Variants in CIMIP7 observed in about 807,000 individuals in gnomAD.
The protein encoded by CIMIP7 is uncharacterized protein C3orf84.
At chr3:49,185,065 C>A in the CIMIP7 span, among the ~76,000 whole-genome samples, 2 of 151,696 alleles carry the variant, frequency 1.3e-5, no homozygotes, top group Non-Finnish European at 2.9e-5. Flanking sequence ...AGTTCAAGAC[C>A]AGCCTGACCA....
At chr3:49,190,648 A>C in the CIMIP7 span, among the ~76,000 whole-genome samples, 1 of 141,666 alleles carries the variant, frequency 7.1e-6, no homozygotes, top group South Asian at 2.3e-4. Flanking sequence ...GGCGCCCACT[A>C]TCATGCCAGG....
the CIMIP7 span, among the ~76,000 whole-genome samples, chr3:49,188,082 C>T: frequency 1.3e-5 from 2 of 152,234 alleles, no homozygotes; most frequent in Admixed American, 1.3e-4. Flanking sequence ...TGTGTTGCTT[C>T]TCTTTCTGTA....
the CIMIP7 span, chr3:49,191,673 G>T: frequency 6.6e-7 from 1 of 1,515,106 alleles, no homozygotes; most frequent in South Asian, 1.1e-5. Context: ...TCACTTCACC[G>T]GCATGACTCA....
the CIMIP7 span, among the ~76,000 whole-genome samples, chr3:49,184,816 G>T: frequency 2.0e-5 from 3 of 151,246 alleles, no homozygotes; most frequent in East Asian, 4.0e-4. Flanking sequence ...TTTTAGTAGA[G>T]ATGGGGTTTC....
the CIMIP7 span, among the ~76,000 whole-genome samples, chr3:49,184,794 A>G: frequency 1.3e-5 from 2 of 150,534 alleles, no homozygotes; most frequent in Non-Finnish European, 3.0e-5. Flanking sequence ...AACCTCAGCA[A>G]ATTTTTTGTA....
At chr3:49,180,128 T>C in the CIMIP7 span, among the ~76,000 whole-genome samples, 1 of 152,054 alleles carries the variant, frequency 6.6e-6, no homozygotes, top group African/African-American at 2.4e-5. Context: ...ACAAAAAAAT[T>C]AGCTGGGTGT....
At chr3:49,178,004 G>A in the CIMIP7 span, 40 of 1,611,356 alleles carry the variant, frequency 2.5e-5, no homozygotes, top group East Asian at 1.3e-4. Flanking sequence ...TGCCACAGGC[G>A]CTCCAGGTCC....
the CIMIP7 span, among the ~76,000 whole-genome samples, chr3:49,187,960 C>A: frequency 1.3e-5 from 2 of 152,218 alleles, no homozygotes; most frequent in African/African-American, 2.4e-5. Context: ...CCAAAACATG[C>A]CCCTTACATG....
the CIMIP7 span, chr3:49,190,103 T>C: frequency 3.7e-6 from 6 of 1,608,950 alleles, no homozygotes; most frequent in African/African-American, 2.7e-5. Context: ...CACTCTTGAA[T>C]TGGCTTCTGT....
At chr3:49,188,138 G>A in the CIMIP7 span, among the ~76,000 whole-genome samples, 1 of 152,240 alleles carries the variant, frequency 6.6e-6, no homozygotes, top group South Asian at 2.1e-4. Flanking sequence ...CCCTGGATGG[G>A]CAGTATGGAG....
the CIMIP7 span, among the ~76,000 whole-genome samples, chr3:49,182,985 C>A: frequency 6.6e-6 from 1 of 152,194 alleles, no homozygotes; most frequent in Admixed American, 6.5e-5. Flanking sequence ...CCCAGTTCCC[C>A]CTCTGGCCTC....
the CIMIP7 span, among the ~76,000 whole-genome samples, chr3:49,178,756 C>T: frequency 6.6e-6 from 1 of 152,064 alleles, no homozygotes. Flanking sequence ...AGCAGAAGCC[C>T]GTGGAACCCT....
the CIMIP7 span, among the ~76,000 whole-genome samples, chr3:49,190,497 A>AT: frequency 0.11 from 15,927 of 139,286 alleles, 966 homozygotes; most frequent in African/African-American, 0.14. Flanking sequence ...TCTCTCCACA[A>AT]TTTTTTTTTT....
chr3:49,189,795 T>TA, the CIMIP7 span: 1 of 684,692 alleles, frequency 1.5e-6, no homozygotes, highest in Non-Finnish European at 2.8e-6. Flanking sequence ...GCTAGGCCCT[T>TA]ACCCTTTGTC....
At chr3:49,177,789 G>A in the CIMIP7 span, 1 of 1,611,784 alleles carries the variant, frequency 6.2e-7, no homozygotes, top group Non-Finnish European at 8.5e-7. Flanking sequence ...AGCTGCCATA[G>A]TGGCCACCCT....
chr3:49,186,901 A>G, the CIMIP7 span, among the ~76,000 whole-genome samples: 2 of 152,178 alleles, frequency 1.3e-5, no homozygotes, highest in African/African-American at 4.8e-5. Context: ...AATCTCTATT[A>G]TTTTTTACAA....
chr3:49,187,399 C>A, the CIMIP7 span, among the ~76,000 whole-genome samples: 2 of 152,116 alleles, frequency 1.3e-5, no homozygotes, highest in Non-Finnish European at 2.9e-5. Flanking sequence ...GGGCTAAGGG[C>A]CCCTGTGGAG....
chr3:49,181,064 G>T, the CIMIP7 span, among the ~76,000 whole-genome samples: 1 of 151,246 alleles, frequency 6.6e-6, no homozygotes, highest in Non-Finnish European at 1.5e-5. Context: ...AGCTGAGGCT[G>T]GGCACAGTGG....
At chr3:49,181,695 G>C in the CIMIP7 span, among the ~76,000 whole-genome samples, 1 of 152,202 alleles carries the variant, frequency 6.6e-6, no homozygotes, top group Non-Finnish European at 1.5e-5. Context: ...ATATAAGGAA[G>C]TCTCTCAACT....
Sources: gnomAD v4.1 joint callset for allele counts (sites outside exome capture counted in the v4.1 genomes callset) on GRCh38, gnomAD v4.1.1 for gene constraint, MANE v1.5 for transcripts, NCBI Gene and HGNC (gene_info 2026-07-23, HGNC 2026-07-21) for gene names.